Variants in PAPPA2 observed in about 807,000 individuals in gnomAD.
The protein encoded by PAPPA2 is pappalysin-2.
Under a neutral mutation model 176.4 loss-of-function variants are expected in PAPPA2, and 86 were observed. The observed-to-expected ratio is 0.49, with a 90% CI of 0.41 to 0.58. PAPPA2 has a LOEUF of 0.58. Ranked by LOEUF, PAPPA2 falls within the 20% of genes least tolerant of loss-of-function variation. The probability of loss-of-function intolerance (pLI) is 0.00; values close to 1 mark genes in which losing one functional copy is unlikely to be tolerated. For synonymous variants in PAPPA2, 809 were observed against 852.2 expected (o/e 0.95, Z 0.88); for missense variants, 2,073 against 2,256.9 (o/e 0.92, Z 1.65).
chr1:176,495,291 A>G (rs1173989038), intron 1 of PAPPA2, among the ~76,000 whole-genome samples: 2 of 152,218 alleles, frequency 1.3e-5, no homozygotes, highest in African/African-American at 4.8e-5. Flanking sequence ...CTGTAACCCC[A>G]GCACTTTGGG....
chr1:176,734,568 ACC>A (rs949567186), intron 12 of PAPPA2, among the ~76,000 whole-genome samples: 1 of 152,010 alleles, frequency 6.6e-6, no homozygotes, highest in Non-Finnish European at 1.5e-5. Flanking sequence ...ACCCATTTTG[ACC>A]CACATCCTCA....
chr1:176,838,485 A>G (rs1167999385), intron 21 of PAPPA2, among the ~76,000 whole-genome samples: 1 of 152,192 alleles, frequency 6.6e-6, no homozygotes, highest in East Asian at 1.9e-4. Flanking sequence ...GATGAATAAG[A>G]TACACTCCAA....
chr1:176,760,187 T>G (rs979071895), intron 14 of PAPPA2, among the ~76,000 whole-genome samples: 1 of 152,252 alleles, frequency 6.6e-6, no homozygotes, highest in Non-Finnish European at 1.5e-5. Flanking sequence ...AGCCATGAAT[T>G]TATAATCAGT....
At chr1:176,656,117 G>GCA (rs1238108789) in intron 3 of PAPPA2, among the ~76,000 whole-genome samples, 1 of 151,530 alleles carries the variant, frequency 6.6e-6, no homozygotes, top group Non-Finnish European at 1.5e-5. Flanking sequence ...GGTTCCCTGA[G>GCA]CACAGGTCCC....
At chr1:176,654,196 T>C (rs1424037087) in intron 3 of PAPPA2, among the ~76,000 whole-genome samples, 1 of 151,680 alleles carries the variant, frequency 6.6e-6, no homozygotes, top group East Asian at 1.9e-4. Flanking sequence ...AAATCTTACA[T>C]TGAAGTCGTT....
At position 176,793,655 on chromosome 1, in the gene PAPPA2, C is replaced by T. The variant is rs758754937; in HGVS notation, c.5116C>T (p.Pro1706Ser). 6.2e-7 allele frequency: 1 copy of T among 1,607,218 alleles called. No individual in the cohort carries two copies. The highest frequency in any genetic ancestry group is 8.5e-7 in the Non-Finnish European group (1 of 1,175,286). ...TGACACTCTGGAGCACTGGATGGAACCTGTCAAAGTCCAGGTGAGGAAAGG... is the reference window on the plus strand; with the variant it reads ...TGACACTCTGGAGCACTGGATGGAATCTGTCAAAGTCCAGGTGAGGAAAGG... Reference protein sequence around the residue: ...TADTLEHWMEPVKVQSIVCTG... With the variant: ...TADTLEHWMESVKVQSIVCTG... Residue 1706 changes from proline (P) to serine (S), a missense_variant, in exon 20 of 23, where the codon CCT becomes TCT. By Grantham distance (74) the Pro-to-Ser change is moderately conservative (BLOSUM62 -1). Around this residue, in one of 4 missense-constraint regions of PAPPA2, gnomAD observed 846 missense variants for 857.9 expected, o/e 0.99. Coordinates refer to ENST00000367662, the MANE Select transcript of PAPPA2 (RefSeq NM_020318.3).
chr1:176,724,724 C>T (rs564475403), intron 12 of PAPPA2, among the ~76,000 whole-genome samples: 3 of 152,272 alleles, frequency 2.0e-5, no homozygotes, highest in South Asian at 2.1e-4. Flanking sequence ...CAACAGAAAA[C>T]GCAATACATG....
Position 176,735,652 on chromosome 1 carries a change from T to A in PAPPA2, c.3799-3974T>A, listed in dbSNP as rs547116824. On this transcript the variant is annotated intron_variant, in intron 12 of 22. Coordinates refer to ENST00000367662, the MANE Select transcript of PAPPA2 (RefSeq NM_020318.3). ...TTGGATGAAAAATCAACTGAGTGTG[T>A]GAGACTGGCTTTCCCATCTCTCAGA... Among the ~76,000 whole-genome samples, 4 of 152,224 alleles carry A rather than the reference T, an allele frequency of 2.6e-5. No individual in the cohort carries two copies. The East Asian group carries it at 7.7e-4, about 29-fold the overall frequency.
intron 6 of PAPPA2, among the ~76,000 whole-genome samples, chr1:176,694,407 T>G (rs1228918216): frequency 6.6e-6 from 1 of 152,244 alleles, no homozygotes; most frequent in African/African-American, 2.4e-5. Flanking sequence ...TTCTCATTTG[T>G]AAACATAAGG....
intron 17 of PAPPA2, among the ~76,000 whole-genome samples, chr1:176,772,921 C>T (rs1311864592): frequency 2.6e-5 from 4 of 151,918 alleles, no homozygotes; most frequent in African/African-American, 7.3e-5. Context: ...CAGAATAGTG[C>T]CATGAAGAAT....
At chr1:176,823,836 T>C (rs1325235321) in intron 21 of PAPPA2, among the ~76,000 whole-genome samples, 1 of 152,014 alleles carries the variant, frequency 6.6e-6, no homozygotes, top group African/African-American at 2.4e-5. Flanking sequence ...GCATTAAGAA[T>C]CTCTGTAAGA....
intron 12 of PAPPA2, among the ~76,000 whole-genome samples, chr1:176,729,518 A>T (rs1662034084): frequency 6.6e-6 from 1 of 152,114 alleles, no homozygotes; most frequent in Admixed American, 6.5e-5. Context: ...TCTGGGACAC[A>T]TTTAAAGCAG....
At chr1:176,616,923 T>C in intron 3 of PAPPA2, 2 of 404,734 alleles carry the variant, frequency 4.9e-6, no homozygotes, top group Non-Finnish European at 9.2e-6. Flanking sequence ...TGTGAAGTTG[T>C]AAGTAATGAT....
chr1:176,739,482 C>T, intron 12 of PAPPA2, 144 bp from the exon 13 acceptor site: 1 of 773,108 alleles, frequency 1.3e-6, no homozygotes, highest in East Asian at 2.7e-5. Flanking sequence ...TCTGTGTCTA[C>T]TCCATATTTT....
At chr1:176,529,782 A>T (rs2102550132) in intron 1 of PAPPA2, among the ~76,000 whole-genome samples, 1 of 151,268 alleles carries the variant, frequency 6.6e-6, no homozygotes, top group Middle Eastern at 3.4e-3. Context: ...TTTTTTTTTT[A>T]AACCTTCAAG....
At chr1:176,612,953 T>C (rs1305794253) in intron 3 of PAPPA2, among the ~76,000 whole-genome samples, 1 of 152,182 alleles carries the variant, frequency 6.6e-6, no homozygotes, top group East Asian at 1.9e-4. Flanking sequence ...CACATCTTTC[T>C]CTGAGACCGG....
At chr1:176,651,814 A>G (rs1657743645) in intron 3 of PAPPA2, among the ~76,000 whole-genome samples, 1 of 151,348 alleles carries the variant, frequency 6.6e-6, no homozygotes, top group Non-Finnish European at 1.5e-5. Context: ...CTTGTAGGCA[A>G]TCTTCATTTC....
At chr1:176,695,900 A>G (rs980085695) in intron 7 of PAPPA2, 41 bp downstream of exon 7, 2 of 1,606,392 alleles carry the variant, frequency 1.2e-6, no homozygotes, top group Non-Finnish European at 1.7e-6. Flanking sequence ...CCTGGTGACC[A>G]CTGAGGATGG....
intron 4 of PAPPA2, among the ~76,000 whole-genome samples, chr1:176,675,686 GACAA>G (rs973350071): frequency 2.6e-5 from 4 of 151,966 alleles, no homozygotes; most frequent in South Asian, 2.1e-4. Context: ...TCTAGAAGAA[GACAA>G]ACAAATTGTT....
Sources: allele counts gnomAD v4.1 joint callset (sites outside exome capture counted in the v4.1 genomes callset), GRCh38; gene constraint gnomAD v4.1.1; regional missense constraint gnomAD v4.1.1; transcripts MANE v1.5; gene names NCBI Gene and HGNC (gene_info 2026-07-23, HGNC 2026-07-21).